Variants in LMAN1L observed in about 807,000 individuals in gnomAD.
The protein encoded by LMAN1L is protein ERGIC-53-like.
Under a neutral mutation model 58.3 loss-of-function variants are expected in LMAN1L, and 60 were observed. The ratio of observed to expected loss-of-function variants is 1.03; its 90% confidence interval spans 0.84 to 1.27. The LOEUF is 1.27. Ranked by LOEUF, LMAN1L falls within the 50% of genes most tolerant of loss-of-function variation. The pLI is 0.00. For synonymous variants in LMAN1L, 280 were observed against 271.6 expected (o/e 1.03, Z -0.31); for missense variants, 629 against 674.0 (o/e 0.93, Z 0.74).
intron 10 of LMAN1L, 22 bp downstream of exon 10, chr15:74,821,922 G>C: frequency 6.5e-7 from 1 of 1,543,328 alleles, no homozygotes. Context: ...AACACTGGGT[G>C]TTGACCAGCA....
At chr15:74,817,966 T>C (rs1476569404) in intron 4 of LMAN1L, among the ~76,000 whole-genome samples, 1 of 145,772 alleles carries the variant, frequency 6.9e-6, no homozygotes, top group Non-Finnish European at 1.5e-5. Context: ...TGAGCCGAGA[T>C]CGCGCCACTG....
chr15:74,813,423 G>T (rs902798845), intron 1 of LMAN1L: 2 of 460,238 alleles, frequency 4.3e-6, no homozygotes, highest in African/African-American at 4.0e-5. Flanking sequence ...ATCCCAGCGG[G>T]CCTGTGGCTG....
intron 1 of LMAN1L, 63 bp downstream of exon 1, chr15:74,813,092 A>C: frequency 6.5e-7 from 1 of 1,533,206 alleles, no homozygotes; most frequent in Middle Eastern, 1.9e-4. Flanking sequence ...AGGGGCTGTG[A>C]CTTGGTGGGG....
chr15:74,823,434 G>A (rs1596380578), intron 11 of LMAN1L, 125 bp from the exon 12 acceptor site: 2 of 1,028,144 alleles, frequency 1.9e-6, no homozygotes, highest in East Asian at 4.9e-5. Flanking sequence ...CCAAGAAGGG[G>A]CCCCATGGAT....
intron 9 of LMAN1L, 60 bp from the exon 10 acceptor site, chr15:74,821,769 G>A: frequency 1.8e-6 from 2 of 1,130,362 alleles, no homozygotes; most frequent in Non-Finnish European, 2.6e-6. Flanking sequence ...GGCTGCTAGT[G>A]TGGGGAAGAG....
At position 74,813,064 on chromosome 15, in the gene LMAN1L, G is replaced by A. The variant is rs371441611; in HGVS notation, c.175+35G>A. The A allele has an allele frequency of 1.3e-5, 21 of 1,588,504 alleles. No individual in the cohort carries two copies. In the Middle Eastern group the frequency reaches 5.1e-4, roughly 39 times the overall value. ...AGGGGTGGGGACCAGCTATGCCCAG[G>A]GTCCCTCAAAGTGCTGGAGGGGCTG... On this transcript the variant is annotated intron_variant, in intron 1 of 13. Transcript: ENST00000309664.
Position 74,821,058 on chromosome 15 carries a change from T to A in LMAN1L, c.908-17T>A. On this transcript the variant is annotated splice_polypyrimidine_tract_variant and intron_variant, in intron 8 of 13. Transcript: ENST00000309664. Reference sequence around the variant, plus strand: ...ACCATGGCTGGCTGCCCATCCCAGCTCTGCCCTAATCCCCAGGGGAAAGGC... The same window carrying A: ...ACCATGGCTGGCTGCCCATCCCAGCACTGCCCTAATCCCCAGGGGAAAGGC... 1 of 1,564,614 alleles carries A rather than the reference T, an allele frequency of 6.4e-7. No homozygotes were observed. The highest frequency in any genetic ancestry group is 1.2e-5 in the South Asian group (1 of 84,864).
At chr15:74,821,325 A>G in intron 9 of LMAN1L, 99 bp downstream of exon 9, 1 of 1,360,002 alleles carries the variant, frequency 7.4e-7, no homozygotes, top group Non-Finnish European at 9.9e-7. Context: ...CTGGAGGGAA[A>G]GGAAGGCAGG....
intron 12 of LMAN1L, chr15:74,823,955 A>G (rs2063929383): frequency 5.7e-6 from 3 of 523,960 alleles, no homozygotes; most frequent in South Asian, 4.9e-5. Context: ...TCCAATATCC[A>G]ATGACCAGAG....
At chr15:74,818,612 T>C in intron 4 of LMAN1L, 106 bp from the exon 5 acceptor site, 1 of 810,472 alleles carries the variant, frequency 1.2e-6, no homozygotes, top group Non-Finnish European at 2.1e-6. Context: ...GAGGATCACT[T>C]GAGCCCAGCA....
intron 1 of LMAN1L, 85 bp downstream of exon 1, chr15:74,813,114 C>T (rs967240872): frequency 3.5e-6 from 5 of 1,419,084 alleles, no homozygotes; most frequent in Non-Finnish European, 4.8e-6. Flanking sequence ...GTGGGTCTGT[C>T]ACAGCCATCC....
At position 74,821,823 on chromosome 15, in the gene LMAN1L, C is replaced by A. The variant is rs1435856715; in HGVS notation, c.1060-6C>A. 1.2e-6 allele frequency: 2 copies of A among 1,607,296 alleles called. No individual in the cohort carries two copies. Among genetic ancestry groups the A allele is most frequent in the South Asian group, 2.2e-5 (2 of 90,780 alleles). ...CAGGGCCAAGCCTCTCTGATCCTATCCCCAGGCCCTGGATGCTTCCTGCCA... is the reference window on the plus strand; with the variant it reads ...CAGGGCCAAGCCTCTCTGATCCTATACCCAGGCCCTGGATGCTTCCTGCCA... On this transcript the variant is annotated splice_polypyrimidine_tract_variant and splice_region_variant and intron_variant, in intron 9 of 13. Coordinates refer to ENST00000309664, the MANE Select transcript of LMAN1L (RefSeq NM_021819.3).
At chr15:74,818,968 A>G (rs2063904789) in intron 5 of LMAN1L, 151 bp downstream of exon 5, 1 of 997,202 alleles carries the variant, frequency 1.0e-6, no homozygotes, top group East Asian at 2.5e-5. Flanking sequence ...CCATCCCTAC[A>G]CAGAATCCTA....
At chr15:74,818,967 C>T (rs1003600630) in intron 5 of LMAN1L, 150 bp downstream of exon 5, 4 of 997,054 alleles carry the variant, frequency 4.0e-6, no homozygotes, top group Non-Finnish European at 5.9e-6. Flanking sequence ...TCCATCCCTA[C>T]ACAGAATCCT....
rs746767493 is a variant in LMAN1L at position 74,816,649 on chromosome 15, T to A, written c.456T>A (p.Arg152=). Reference sequence around the variant, plus strand: ...CCCTGCAGGACAGTCCTGCCATCCGTGTGCTGGCCAGCGACGGGCACATCC... The same window carrying A: ...CCCTGCAGGACAGTCCTGCCATCCGAGTGCTGGCCAGCGACGGGCACATCC... ...AEDTQDSPAI[R]VLASDGHIPS... Residue 152 remains arginine (R), a synonymous_variant, in exon 4 of 14, where the codon CGT becomes CGA. Transcript: ENST00000309664. 6.2e-7 allele frequency: 1 copy of A among 1,613,808 alleles called. No homozygotes were observed. Among genetic ancestry groups the A allele is most frequent in the Non-Finnish European group, 8.5e-7 (1 of 1,179,856 alleles).
At chr15:74,825,246 A>C (rs2063935974) in intron 13 of LMAN1L, 1 of 465,538 alleles carries the variant, frequency 2.1e-6, no homozygotes, top group South Asian at 3.9e-5. Flanking sequence ...GCTTCAGCAC[A>C]TGCACAGGAG....
intron 7 of LMAN1L, 108 bp downstream of exon 7, chr15:74,820,207 T>C (rs1319829291): frequency 9.8e-7 from 1 of 1,017,818 alleles, no homozygotes; most frequent in Non-Finnish European, 1.5e-6. Flanking sequence ...CCACCTGGCC[T>C]CTGAGCTCTG....
Position 74,821,102 on chromosome 15 carries a change from C to A in LMAN1L, c.935C>A (p.Thr312Lys), listed in dbSNP as rs530877348. 4 of 1,573,960 alleles carry A rather than the reference C, an allele frequency of 2.5e-6. No homozygotes were observed. Among genetic ancestry groups the A allele is most frequent in the Non-Finnish European group, 3.4e-6 (4 of 1,159,968 alleles). The change falls in exon 9 of 14, where the codon ACG (threonine) becomes AAG (lysine). Residue 312 changes from threonine (T) to lysine (K), a missense_variant. By Grantham distance (78) the Thr-to-Lys change is moderately conservative. Around this residue, in one of 3 missense-constraint regions of LMAN1L, gnomAD observed 573 missense variants for 597.3 expected, o/e 0.96. Coordinates refer to ENST00000309664, the MANE Select transcript of LMAN1L (RefSeq NM_021819.3). Reference sequence around the variant, plus strand: ...GAAAGGCTCTTTGACCTGGAGGAGACGCTGGGCAGACACCGCCGGATCCTG... The same window carrying A: ...GAAAGGCTCTTTGACCTGGAGGAGAAGCTGGGCAGACACCGCCGGATCCTG... ...EGERLFDLEE[T>K]LGRHRRILQA...
intron 1 of LMAN1L, among the ~76,000 whole-genome samples, chr15:74,814,800 C>T (rs980229365): frequency 1.1e-4 from 17 of 152,352 alleles, no homozygotes; most frequent in African/African-American, 2.2e-4. Flanking sequence ...TGAGCCACCG[C>T]GCCCAGCCCA....
Sources: allele counts gnomAD v4.1 joint callset (sites outside exome capture counted in the v4.1 genomes callset), GRCh38; gene constraint gnomAD v4.1.1; regional missense constraint gnomAD v4.1.1; transcripts MANE v1.5; gene names NCBI Gene and HGNC (gene_info 2026-07-23, HGNC 2026-07-21).